The following SYNPR variants were observed in gnomAD, a reference collection of about 807,000 sequenced individuals.
The protein encoded by SYNPR is synaptoporin.
In SYNPR, 23 loss-of-function variants were observed where a neutral mutation model predicts 32.9. That is an observed-to-expected ratio of 0.70 (90% confidence interval 0.50 to 0.99). The LOEUF is 0.99. Ranked by LOEUF, SYNPR falls within the 50% of genes least tolerant of loss-of-function variation. The probability of loss-of-function intolerance (pLI) is 0.00; values close to 1 mark genes in which losing one functional copy is unlikely to be tolerated. For synonymous variants in SYNPR, 146 were observed against 135.9 expected, an observed-to-expected ratio of 1.07 and a Z score of -0.52; for missense variants, 318 against 349.3, an observed-to-expected ratio of 0.91 and a Z score of 0.71.
Position 63,230,026 on chromosome 3 carries a change from A to C in SYNPR, n.66+1646A>C, listed in dbSNP as rs901256596. On this transcript the variant is annotated intron_variant and non_coding_transcript_variant, in intron 1 of 4. Coordinates refer to the SYNPR transcript ENST00000478456. ...ACCAGTGGTATATGGACCATGCATT[A>C]CATAACCCAGCCCTGTACCTCCTTG... Among the ~76,000 whole-genome samples the C allele has an allele frequency of 2.0e-5, 3 of 152,144 alleles. No individual in the cohort carries two copies. In the South Asian group the frequency reaches 6.2e-4, roughly 32 times the overall value.
intron 4 of SYNPR, among the ~76,000 whole-genome samples, chr3:63,604,409 T>C (rs1026052195): frequency 6.6e-6 from 1 of 152,202 alleles, no homozygotes. Flanking sequence ...TGCTCTTGTT[T>C]CCTTAGTTCC....
At chr3:63,385,610 A>G (rs910758539) in intron 2 of SYNPR, among the ~76,000 whole-genome samples, 14 of 152,226 alleles carry the variant, frequency 9.2e-5, no homozygotes, top group Non-Finnish European at 1.6e-4. Context: ...ACATCAATCC[A>G]TAACCTGGCT....
In SYNPR at chr3:63,580,259, C is replaced by T. The variant is rs6768583; in HGVS notation, c.408+23518C>T. On this transcript the variant is annotated intron_variant, in intron 4 of 5. Transcript: ENST00000478300. ...TACTCAGGTGATTTAGCAAACACAA[C>T]AGTATCTGTGGGAATGATTGCGTTC... Among the ~76,000 whole-genome samples, 1,214 of 152,250 alleles carry T rather than the reference C, an allele frequency of 8.0e-3. 9 individuals are homozygous for T. Among genetic ancestry groups the T allele is most frequent in the African/African-American group, 0.022 (916 of 41,562 alleles).
Position 63,240,222 on chromosome 3 carries a change from GTTTA to G in SYNPR, n.66+11847_66+11850del, listed in dbSNP as rs1390529299. The stretch of plus-strand genomic sequence containing the variant: ...GAGAGTTCAAACTGACAATAAATTG[GTTTA>G]TTTAACAGGATAAAAACATTCAATC... On this transcript the variant is annotated intron_variant and non_coding_transcript_variant, in intron 1 of 4. Coordinates refer to the SYNPR transcript ENST00000478456. Among the ~76,000 whole-genome samples, 5 of 152,032 alleles carry G rather than the reference GTTTA, an allele frequency of 3.3e-5. No homozygotes were observed. In the East Asian group the frequency reaches 7.7e-4, roughly 23 times the overall value.
intron 3 of SYNPR, among the ~76,000 whole-genome samples, chr3:63,483,412 C>T (rs544070181): frequency 1.8e-4 from 27 of 151,908 alleles, no homozygotes; most frequent in African/African-American, 6.5e-4. Context: ...AATTTATGCA[C>T]CTATATGTAT....
chr3:63,330,811 G>C (rs973104283), intron 2 of SYNPR, among the ~76,000 whole-genome samples: 2 of 152,118 alleles, frequency 1.3e-5, no homozygotes, highest in Non-Finnish European at 2.9e-5. Context: ...ATAACTTGCA[G>C]TTGAAGAGCT....
At chr3:63,436,919 C>T (rs111993215) in intron 2 of SYNPR, among the ~76,000 whole-genome samples, 9,150 of 152,096 alleles carry the variant, frequency 0.06, 892 homozygotes, top group African/African-American at 0.21. Context: ...CTCTGTTGCC[C>T]GGGCTGAAGT....
intron 3 of SYNPR, among the ~76,000 whole-genome samples, chr3:63,525,392 G>A (rs1701993403): frequency 6.6e-6 from 1 of 152,078 alleles, no homozygotes; most frequent in African/African-American, 2.4e-5. Flanking sequence ...TTGAGGCCCA[G>A]GTATTTCAGT....
chr3:63,270,548 C>A (rs573577584), intron 3 of SYNPR, among the ~76,000 whole-genome samples: 91 of 152,132 alleles, frequency 6.0e-4, no homozygotes, highest in African/African-American at 2.1e-3. Context: ...CTTCAGATTC[C>A]AGTTGTGATC....
At chr3:63,269,486 A>G (rs933477602) in intron 3 of SYNPR, among the ~76,000 whole-genome samples, 1 of 151,908 alleles carries the variant, frequency 6.6e-6, no homozygotes, top group African/African-American at 2.4e-5. Context: ...TCAAAAAAGG[A>G]GAAAAAAAAA....
intron 3 of SYNPR, among the ~76,000 whole-genome samples, chr3:63,524,868 TGTGAGAGAGA>T (rs1559526082): frequency 6.7e-6 from 1 of 149,634 alleles, no homozygotes; most frequent in African/African-American, 2.5e-5. Flanking sequence ...TGTGTGTGTG[TGTGAGAGAGA>T]GAGAGAGAGA....
chr3:63,605,593 C>T (rs1404845763), intron 4 of SYNPR, among the ~76,000 whole-genome samples: 5 of 152,078 alleles, frequency 3.3e-5, no homozygotes, highest in African/African-American at 1.2e-4. Flanking sequence ...AAAATCTGCC[C>T]ACAAGATACA....
chr3:63,451,741 G>A (rs1020091850), intron 2 of SYNPR, among the ~76,000 whole-genome samples: 44 of 152,240 alleles, frequency 2.9e-4, no homozygotes, highest in African/African-American at 1.1e-3. Flanking sequence ...CAGATGCTCG[G>A]AGAAAGCCTC....
At chr3:63,577,574 G>A (rs1185627281) in intron 4 of SYNPR, among the ~76,000 whole-genome samples, 1 of 152,112 alleles carries the variant, frequency 6.6e-6, no homozygotes, top group Non-Finnish European at 1.5e-5. Context: ...GAGAACTAGA[G>A]TAATGGATCA....
intron 2 of SYNPR, among the ~76,000 whole-genome samples, chr3:63,476,080 G>T (rs1017007653): frequency 7.0e-6 from 1 of 142,800 alleles, no homozygotes; most frequent in African/African-American, 2.6e-5. Context: ...AGGAAGAATA[G>T]AGGAAGGGAG....
At chr3:63,227,076 A>G (rs2106870141), upstream of SYNPR, among the ~76,000 whole-genome samples, 1 of 152,376 alleles carries the variant, frequency 6.6e-6, no homozygotes, top group South Asian at 2.1e-4. Flanking sequence ...CAGTTGAACT[A>G]TAATACATCT....
At chr3:63,518,057 G>A (rs1036378329) in intron 3 of SYNPR, among the ~76,000 whole-genome samples, 1 of 152,238 alleles carries the variant, frequency 6.6e-6, no homozygotes, top group Non-Finnish European at 1.5e-5. Flanking sequence ...AGTGGCCCCA[G>A]GGTGTGTCAG....
intron 2 of SYNPR, among the ~76,000 whole-genome samples, chr3:63,389,596 T>G (rs1447277929): frequency 6.6e-6 from 1 of 152,152 alleles, no homozygotes; most frequent in Admixed American, 6.5e-5. Context: ...CACGTGGGTA[T>G]TATGTGCCCA....
rs143508567 is a variant in SYNPR at position 63,457,109 on chromosome 3, C to CCTTTTGTAG, written c.85-23719_85-23711dup. On this transcript the variant is annotated intron_variant, in intron 2 of 5. Coordinates refer to ENST00000478300, the MANE Select transcript of SYNPR (RefSeq NM_001130003.2). The stretch of plus-strand genomic sequence containing the variant: ...GCTATCACCTTCCAAGCTAAGAATG[C>CCTTTTGTAG]CTTTTGTAGCTTGCCTTGAAGTACC... Among the ~76,000 whole-genome samples, 1,265 of 152,102 alleles carry CCTTTTGTAG rather than the reference C, an allele frequency of 8.3e-3. 51 individuals carry two copies. The East Asian group carries it at 0.13, about 16-fold the overall frequency.
Sources: allele counts gnomAD v4.1 joint callset (sites outside exome capture counted in the v4.1 genomes callset), GRCh38; gene constraint gnomAD v4.1.1; transcripts MANE v1.5; gene names NCBI Gene and HGNC (gene_info 2026-07-23, HGNC 2026-07-21).